LGI2: variants seen among roughly 807,000 people sequenced by gnomAD.
LGI2 encodes the protein leucine-rich repeat LGI family member 2.
Under a neutral mutation model 52.0 loss-of-function variants are expected in LGI2, and 30 were observed. The observed-to-expected ratio is 0.58, with a 90% CI of 0.43 to 0.78. The LOEUF (loss-of-function observed/expected upper bound fraction) is 0.78, where lower values mean the gene tolerates loss of function less well. Among genes scored for constraint, LGI2 ranks in the 30% least tolerant of loss-of-function variants. LGI2 has a pLI of 0.00. For missense variants in LGI2, 573 were observed against 692.5 expected, an observed-to-expected ratio of 0.83 and a Z score of 1.94; for synonymous variants, 270 against 271.8, an observed-to-expected ratio of 0.99 and a Z score of 0.06.
chr4:25,013,207 G>T (rs992588686), intron 6 of LGI2, among the ~76,000 whole-genome samples: 9 of 152,236 alleles, frequency 5.9e-5, no homozygotes, highest in Non-Finnish European at 1.3e-4. Flanking sequence ...TTTTAGAGGT[G>T]CCCCTCCCTT....
rs147019070 is a variant in LGI2, at chr4:25,026,891, A to G, written c.318T>C (p.Ala106=). ...ACAGGTATTCAAGATGAAAAAGTCC[A>G]GCAAAAGCATCATCCCGGATGATCG... ...SFTIIRDDAF[A]GLFHLEYLFI... is the part of the protein sequence containing the mutation. The change falls in exon 3 of 8, where the codon GCT becomes GCC. Residue 106 remains alanine (A), a synonymous_variant. Transcript: ENST00000382114. 54 of 1,613,710 alleles carry G rather than the reference A, an allele frequency of 3.3e-5. 1 individual carries two copies. The African/African-American group carries it at 6.0e-4, about 18-fold the overall frequency.
At chr4:25,008,657 A>C (rs984667820) in intron 7 of LGI2, among the ~76,000 whole-genome samples, 2 of 152,128 alleles carry the variant, frequency 1.3e-5, no homozygotes, top group African/African-American at 4.8e-5. Flanking sequence ...TCTCCACTTT[A>C]CAGATGAAAG....
chr4:25,024,630 A>G (rs1726082426), intron 4 of LGI2, among the ~76,000 whole-genome samples, 190 bp downstream of exon 4: 1 of 152,256 alleles, frequency 6.6e-6, no homozygotes, highest in African/African-American at 2.4e-5. Flanking sequence ...AGGTTGATAG[A>G]GATGATAATA....
At chr4:25,014,484 C>CCAAAAA (rs1553871855) in intron 6 of LGI2, among the ~76,000 whole-genome samples, 2 of 116,786 alleles carry the variant, frequency 1.7e-5, no homozygotes, top group East Asian at 2.4e-4. Context: ...CCGCCCCCGC[C>CCAAAAA]AAAAAAAAGG....
At chr4:25,022,203 G>A (rs910430842) in intron 4 of LGI2, among the ~76,000 whole-genome samples, 2 of 152,148 alleles carry the variant, frequency 1.3e-5, no homozygotes, top group Non-Finnish European at 2.9e-5. Flanking sequence ...GTAAAGTGCT[G>A]GCTGCATGAA....
chr4:25,028,025 A>G (rs1726203037), intron 2 of LGI2, among the ~76,000 whole-genome samples: 1 of 152,244 alleles, frequency 6.6e-6, no homozygotes, highest in African/African-American at 2.4e-5. Context: ...AAATGGGATC[A>G]TAAGCATGCC....
Position 25,003,155 on chromosome 4 carries a change from GC to G in LGI2, c.*295del, listed in dbSNP as rs2109402838. 1 of 234,076 alleles carries G rather than the reference GC, an allele frequency of 4.3e-6. No homozygotes were observed. The highest frequency in any genetic ancestry group is 1.5e-4 in the South Asian group (1 of 6,770). The allele number at this position is 234,076 out of a possible 1,614,324, so 14.5% of individuals were successfully genotyped here. ...CAATTGTCTTCTTCCTCATCAAAAA[GC>G]GGGGGGGAAGCATATTACATTTCTA... On this transcript the variant is annotated 3_prime_UTR_variant, in exon 8 of 8. Coordinates refer to ENST00000382114, the MANE Select transcript of LGI2 (RefSeq NM_018176.4).
chr4:24,994,391 A>G (rs1237770650), downstream of LGI2, among the ~76,000 whole-genome samples: 1 of 152,156 alleles, frequency 6.6e-6, no homozygotes, highest in African/African-American at 2.4e-5. Context: ...CATTAGAGAA[A>G]AGGCTTGATT....
At chr4:25,011,465 T>G (rs1725584112) in intron 7 of LGI2, among the ~76,000 whole-genome samples, 1 of 151,942 alleles carries the variant, frequency 6.6e-6, no homozygotes, top group South Asian at 2.1e-4. Flanking sequence ...TAAGGCTCAT[T>G]AGCAGCTCTC....
intron 6 of LGI2, 149 bp from the exon 7 acceptor site, chr4:25,012,648 T>C: frequency 1.3e-6 from 1 of 774,998 alleles, no homozygotes; most frequent in South Asian, 1.8e-5. Flanking sequence ...CATCACAGCG[T>C]ATTTTACTCT....
Position 25,018,089 on chromosome 4 carries a change from T to A in LGI2, c.555A>T (p.Thr185=). ...ACAGCACATCAGAAACGGTGGAATT[T>A]GTCATCTTCAACCACAGGTATAGCC... is the stretch of plus-strand genomic sequence containing the variant. ...AKWLYLWLKM[T]NSTVSDVLCI... is the part of the protein sequence containing the mutation. Residue 185 remains threonine (T), a synonymous_variant, in exon 6 of 8, where the codon ACA becomes ACT. Coordinates refer to ENST00000382114, the MANE Select transcript of LGI2 (RefSeq NM_018176.4). 1 of 1,613,822 alleles carries A rather than the reference T, an allele frequency of 6.2e-7. No homozygotes were observed. The highest frequency in any genetic ancestry group is 8.5e-7 in the Non-Finnish European group (1 of 1,179,924).
intron 5 of LGI2, 39 bp downstream of exon 5, chr4:25,019,128 A>G (rs377060142): frequency 7.4e-6 from 9 of 1,211,526 alleles, no homozygotes; most frequent in Non-Finnish European, 1.1e-5. Flanking sequence ...TAACTGGGGC[A>G]CAATGACAAA....
At chr4:25,019,844 T>G (rs1410347607) in intron 4 of LGI2, among the ~76,000 whole-genome samples, 1 of 152,220 alleles carries the variant, frequency 6.6e-6, no homozygotes, top group Non-Finnish European at 1.5e-5. Context: ...TTTAATTAAC[T>G]ATTTGTTTAC....
At chr4:25,005,287 T>C (rs1725362610) in intron 7 of LGI2, among the ~76,000 whole-genome samples, 1 of 152,198 alleles carries the variant, frequency 6.6e-6, no homozygotes, top group African/African-American at 2.4e-5. Flanking sequence ...CATTTTGTGC[T>C]ATGTGTATGT....
intron 3 of LGI2, among the ~76,000 whole-genome samples, chr4:25,026,555 T>C (rs573122504): frequency 2.0e-5 from 3 of 152,132 alleles, no homozygotes; most frequent in African/African-American, 4.8e-5. Flanking sequence ...TCCATGCCTA[T>C]TTATGAGAGG....
chr4:25,023,391 T>C (rs1726037849), intron 4 of LGI2, among the ~76,000 whole-genome samples: 1 of 152,162 alleles, frequency 6.6e-6, no homozygotes, highest in African/African-American at 2.4e-5. Context: ...TAGGAAGAAA[T>C]GAAGACCTAG....
chr4:25,003,975 T>G lies in LGI2; in HGVS notation c.1114A>C (p.Arg372=), dbSNP rs746473348. ...YSYQSLHEWF[R]DTDAEFVDID... is the part of the protein sequence containing the mutation. Reference sequence around the variant, plus strand: ...TCAACAAACTCCGCATCCGTGTCCCTGAACCACTCGTGCAGTGACTGGTAA... The same window carrying G: ...TCAACAAACTCCGCATCCGTGTCCCGGAACCACTCGTGCAGTGACTGGTAA... Residue 372 remains arginine (R), a synonymous_variant, in exon 8 of 8, where the codon AGG becomes CGG. Transcript: ENST00000382114. The G allele has an allele frequency of 2.5e-6, 4 of 1,614,100 alleles. No homozygotes were observed. Among genetic ancestry groups the G allele is most frequent in the Non-Finnish European group, 3.4e-6 (4 of 1,180,042 alleles).
chr4:25,003,716 G>T lies in LGI2; in HGVS notation c.1373C>A (p.Ala458Asp). The T allele has an allele frequency of 6.2e-7, 1 of 1,614,208 alleles. No homozygotes were observed. The highest frequency in any genetic ancestry group is 8.5e-7 in the Non-Finnish European group (1 of 1,180,040). The stretch of plus-strand genomic sequence containing the variant: ...GGTCATGGCCCCCCGGGATGGAAGA[G>T]CTTGGATCTCCACAAACTGCTTACT... ...WNSKQFVEIQ[A>D]LPSRGAMTLQ... Residue 458 changes from alanine (A) to aspartate (D), a missense_variant, in exon 8 of 8, where the codon GCT becomes GAT. Coordinates refer to ENST00000382114, the MANE Select transcript of LGI2 (RefSeq NM_018176.4).
intron 6 of LGI2, among the ~76,000 whole-genome samples, chr4:25,014,484 C>CCAA (rs1553871855): frequency 2.6e-5 from 3 of 116,762 alleles, no homozygotes; most frequent in African/African-American, 1.0e-4. Flanking sequence ...CCGCCCCCGC[C>CCAA]AAAAAAAAGG....
Sources: allele counts gnomAD v4.1 joint callset (sites outside exome capture counted in the v4.1 genomes callset), GRCh38; gene constraint gnomAD v4.1.1; transcripts MANE v1.5; gene names NCBI Gene and HGNC (gene_info 2026-07-23, HGNC 2026-07-21).